The following MEIOSIN variants were observed in gnomAD, a reference collection of about 807,000 sequenced individuals.
The protein encoded by MEIOSIN is meiosis initiator.
A neutral mutation model predicts 23.4 loss-of-function variants in MEIOSIN; 18 were observed. The observed-to-expected ratio is 0.77, with a 90% CI of 0.53 to 1.14. MEIOSIN has a LOEUF of 1.14. MEIOSIN is among the 50% of genes most tolerant of loss of function. The pLI is 0.00. For missense variants in MEIOSIN, 428 were observed against 242.9 expected (o/e 1.76, Z -5.07); for synonymous variants, 187 against 100.6 (o/e 1.86, Z -5.14).
At chr19:45,754,875 T>C (rs983785324) in intron 7 of MEIOSIN, among the ~76,000 whole-genome samples, 151 bp downstream of exon 7, 3 of 152,214 alleles carry the variant, frequency 2.0e-5, no homozygotes, top group Non-Finnish European at 2.9e-5. Flanking sequence ...GGCCTTGCTC[T>C]GGTGGTCTTC....
chr19:45,760,939 GAAAGAAAAGAAAAA>G lies in MEIOSIN; in HGVS notation c.1246-727_1246-714del, dbSNP rs370824799. 4.4e-3 allele frequency among the ~76,000 whole-genome samples: 644 copies of G among 145,122 alleles called. 8 individuals carry two copies. Among genetic ancestry groups the G allele is most frequent in the South Asian group, 8.7e-3 (40 of 4,588 alleles). On this transcript the variant is annotated intron_variant, in intron 11 of 14. Transcript: ENST00000457052. Reference sequence around the variant, plus strand: ...GACTCCGTCTCAAAAAAAAAAAAAAGAAAGAAAAGAAAAAAAAGAAAAGAAAGGAAGAAAGAAAG... The same window carrying G: ...GACTCCGTCTCAAAAAAAAAAAAAAGAAAGAAAAGAAAGGAAGAAAGAAAG...
Position 45,755,104 on chromosome 19 carries a change from G to A in MEIOSIN, c.802+380G>A, listed in dbSNP as rs577102038. 3.2e-4 allele frequency among the ~76,000 whole-genome samples: 49 copies of A among 152,176 alleles called. 1 individual carries two copies. The highest frequency in any genetic ancestry group is 3.4e-3 in the Middle Eastern group (1 of 294). On this transcript the variant is annotated intron_variant, in intron 7 of 14. Coordinates refer to ENST00000457052, the MANE Select transcript of MEIOSIN (RefSeq NM_001310124.2). Reference sequence around the variant, plus strand: ...GAGGGAGGTCGGAGCTCGAGGCTTTGAGGCCTCAAGTCATCTCGTTCCTCT... The same window carrying A: ...GAGGGAGGTCGGAGCTCGAGGCTTTAAGGCCTCAAGTCATCTCGTTCCTCT...
chr19:45,740,785 T>C (rs557268908), intron 3 of MEIOSIN, among the ~76,000 whole-genome samples: 144 of 124,844 alleles, frequency 1.2e-3, no homozygotes, highest in Non-Finnish European at 2.1e-3. Flanking sequence ...ATAATAATAA[T>C]AATAATAATA....
chr19:45,750,281 T>C (rs1383812465), intron 4 of MEIOSIN, among the ~76,000 whole-genome samples: 1 of 145,800 alleles, frequency 6.9e-6, no homozygotes, highest in Non-Finnish European at 1.5e-5. Context: ...GCTGTGTCTC[T>C]GGTCCCCAGC....
intron 11 of MEIOSIN, among the ~76,000 whole-genome samples, chr19:45,760,485 A>G (rs1306994691): frequency 1.3e-5 from 2 of 152,090 alleles, no homozygotes; most frequent in Admixed American, 1.3e-4. Context: ...ACGTGCCTGT[A>G]ATCCCAGCTA....
chr19:45,736,972 G>A (rs556051794), intron 2 of MEIOSIN, among the ~76,000 whole-genome samples: 2 of 143,900 alleles, frequency 1.4e-5, no homozygotes, highest in East Asian at 2.1e-4. Flanking sequence ...GGGTTCAAGC[G>A]ATTCTCCTGC....
At chr19:45,763,254 G>A (rs1207276217) in intron 13 of MEIOSIN, 84 bp from the exon 14 acceptor site, 1 of 397,726 alleles carries the variant, frequency 2.5e-6, no homozygotes, top group African/African-American at 2.1e-5. Context: ...AGGCCTTGTA[G>A]ACCCACAAGG....
rs1179043308 is a variant in MEIOSIN at position 45,753,893 on chromosome 19, C to CCGGG, written c.556+106_556+109dup. 10 of 607,754 alleles carry CCGGG rather than the reference C, an allele frequency of 1.6e-5. No individual in the cohort carries two copies. The East Asian group carries it at 2.5e-4, about 15-fold the overall frequency. 37.6% of individuals were successfully genotyped at this position (607,754 alleles called of 1,614,324 possible). On this transcript the variant is annotated intron_variant, in intron 6 of 14. Coordinates refer to ENST00000457052, the MANE Select transcript of MEIOSIN (RefSeq NM_001310124.2). ...CTGGGGGCCTTCTCAGCACCCTGTG[C>CCGGG]CGGGGTTCAACTCCCAGCTCCTCCT...
At chr19:45,748,389 C>T (rs1394821662) in intron 4 of MEIOSIN, among the ~76,000 whole-genome samples, 1 of 152,128 alleles carries the variant, frequency 6.6e-6, no homozygotes, top group African/African-American at 2.4e-5. Flanking sequence ...CATGAGACCC[C>T]ATCTTAAAAG....
At chr19:45,753,607 G>A (rs922792664) in intron 5 of MEIOSIN, 44 bp from the exon 6 acceptor site, 1 of 677,252 alleles carries the variant, frequency 1.5e-6, no homozygotes, top group African/African-American at 1.8e-5. Context: ...GTTGGATGCA[G>A]ATGGGGTGGG....
At chr19:45,742,014 T>C (rs923563405) in intron 3 of MEIOSIN, among the ~76,000 whole-genome samples, 6 of 151,978 alleles carry the variant, frequency 3.9e-5, no homozygotes, top group African/African-American at 1.4e-4. Flanking sequence ...TAGCTGAGAT[T>C]ACAGGCACCT....
rs1968987734 is a variant in MEIOSIN at position 45,763,374 on chromosome 19, G to A, written c.1716G>A (p.Lys572=). 7.5e-6 allele frequency: 3 copies of A among 398,778 alleles called. No individual in the cohort carries two copies. The highest frequency in any genetic ancestry group is 2.1e-5 in the African/African-American group (1 of 48,738). 24.7% of individuals were successfully genotyped at this position (398,778 alleles called of 1,614,324 possible). Residue 572 remains lysine, a synonymous_variant, in exon 14 of 15, where the codon AAG becomes AAA. Transcript: ENST00000457052. ...GAACCGCTTCCACAGCTGCCACCAA[G>A]GAGCTGGCCCAGCTGTGGCGGGTGA... ...CPGTASTAAT[K]ELAQLWRVMT...
intron 4 of MEIOSIN, among the ~76,000 whole-genome samples, chr19:45,750,172 C>T (rs1261440503): frequency 2.8e-5 from 4 of 142,084 alleles, no homozygotes; most frequent in African/African-American, 5.1e-5. Flanking sequence ...CCTTCTTGTT[C>T]TGCTATCTAG....
At chr19:45,734,623 G>C (rs4803851) in intron 1 of MEIOSIN, among the ~76,000 whole-genome samples, 25,860 of 150,980 alleles carry the variant, frequency 0.17, 2,469 homozygotes, top group Admixed American at 0.29. Context: ...CCCACCTCAG[G>C]CTCCCAAGTA....
intron 13 of MEIOSIN, 37 bp from the exon 14 acceptor site, chr19:45,763,301 C>T (rs1968986084): frequency 2.5e-6 from 1 of 398,750 alleles, no homozygotes; most frequent in Non-Finnish European, 4.4e-6. Context: ...GGGTGTCCTG[C>T]AGACCTCTCC....
chr19:45,749,740 C>G (rs1238466669), intron 4 of MEIOSIN, among the ~76,000 whole-genome samples: 2 of 147,192 alleles, frequency 1.4e-5, no homozygotes, highest in Non-Finnish European at 3.0e-5. Flanking sequence ...CGTGGTGGCT[C>G]ACACCTGGAA....
intron 11 of MEIOSIN, 147 bp from the exon 12 acceptor site, chr19:45,761,532 A>C: frequency 2.2e-6 from 1 of 448,586 alleles, no homozygotes; most frequent in Non-Finnish European, 4.0e-6. Context: ...AGCCTCCCAG[A>C]GTGTTGGGGT....
intron 9 of MEIOSIN, among the ~76,000 whole-genome samples, chr19:45,757,950 C>T (rs931936446): frequency 1.3e-5 from 2 of 152,156 alleles, no homozygotes; most frequent in African/African-American, 4.8e-5. Flanking sequence ...GCCTCAGCTT[C>T]TCAAAGTGCT....
intron 3 of MEIOSIN, among the ~76,000 whole-genome samples, chr19:45,741,178 T>C (rs1968498686): frequency 6.6e-6 from 1 of 151,932 alleles, no homozygotes; most frequent in South Asian, 2.1e-4. Flanking sequence ...TGAAACCCCG[T>C]CTCTACTAAA....
Sources: allele counts gnomAD v4.1 joint callset (sites outside exome capture counted in the v4.1 genomes callset), GRCh38; gene constraint gnomAD v4.1.1; transcripts MANE v1.5; gene names NCBI Gene and HGNC (gene_info 2026-07-23, HGNC 2026-07-21).